The following C7orf78 variants were observed in gnomAD, a reference collection of about 807,000 sequenced individuals.
The protein encoded by C7orf78 is putative uncharacterized protein C7orf78.
the C7orf78 span, chr7:12,504,344 C>G: frequency 6.6e-6 from 1 of 152,150 alleles, no homozygotes; most frequent in East Asian, 1.9e-4. Flanking sequence ...CCTAGTTTTA[C>G]TTTTCTTTTT....
chr7:12,500,305 A>C, the C7orf78 span, among the ~76,000 whole-genome samples: 1 of 151,572 alleles, frequency 6.6e-6, no homozygotes, highest in East Asian at 1.9e-4. Context: ...GTTTTTTGAA[A>C]TGATCAACAA....
the C7orf78 span, among the ~76,000 whole-genome samples, chr7:12,528,079 G>A: frequency 6.9e-6 from 1 of 145,050 alleles, no homozygotes; most frequent in Non-Finnish European, 1.5e-5. Flanking sequence ...CACTCACTTT[G>A]GTAGAAAATG....
the C7orf78 span, among the ~76,000 whole-genome samples, chr7:12,492,830 A>G: frequency 6.6e-6 from 1 of 152,206 alleles, no homozygotes; most frequent in African/African-American, 2.4e-5. Context: ...TCTGCTCTTT[A>G]AGGATCTTGA....
At chr7:12,530,991 C>T in the C7orf78 span, 1 of 398,180 alleles carries the variant, frequency 2.5e-6, no homozygotes, top group South Asian at 1.3e-4. Flanking sequence ...TTACTAACTT[C>T]CTTTGTACCA....
At chr7:12,526,516 T>C in the C7orf78 span, among the ~76,000 whole-genome samples, 1 of 152,160 alleles carries the variant, frequency 6.6e-6, no homozygotes. Context: ...CAATAAGATG[T>C]TAACAGTGTT....
chr7:12,501,336 T>C, the C7orf78 span, among the ~76,000 whole-genome samples: 62,541 of 142,014 alleles, frequency 0.44, 13,949 homozygotes, highest in African/African-American at 0.47. Flanking sequence ...AAAACCCCAT[T>C]GTCTCAGCCC....
At chr7:12,531,040 A>G in the C7orf78 span, 2 of 398,500 alleles carry the variant, frequency 5.0e-6, no homozygotes, top group Non-Finnish European at 4.4e-6. Context: ...TGATGCATAC[A>G]GTGCATTTAT....
the C7orf78 span, among the ~76,000 whole-genome samples, chr7:12,533,169 A>G: frequency 2.6e-5 from 4 of 152,146 alleles, no homozygotes; most frequent in African/African-American, 9.7e-5. Context: ...ATGGTAGTCC[A>G]TCAGCAAAAG....
At chr7:12,528,158 G>C in the C7orf78 span, among the ~76,000 whole-genome samples, 7 of 145,682 alleles carry the variant, frequency 4.8e-5, no homozygotes, top group Admixed American at 1.4e-4. Context: ...CACTCACTTT[G>C]GTAGAAAATG....
At chr7:12,498,980 A>T in the C7orf78 span, among the ~76,000 whole-genome samples, 1 of 151,942 alleles carries the variant, frequency 6.6e-6, no homozygotes, top group Non-Finnish European at 1.5e-5. Context: ...TTTCCAGCCA[A>T]ACTAAGCTTC....
At chr7:12,497,186 G>C in the C7orf78 span, among the ~76,000 whole-genome samples, 3 of 152,132 alleles carry the variant, frequency 2.0e-5, no homozygotes, top group African/African-American at 4.8e-5. Flanking sequence ...AAACTGTAAA[G>C]AAAAAAATCA....
the C7orf78 span, among the ~76,000 whole-genome samples, chr7:12,505,393 TGAC>T: frequency 2.6e-5 from 4 of 152,138 alleles, no homozygotes; most frequent in Admixed American, 1.3e-4. Context: ...AATTAGGAGT[TGAC>T]ATAAATAAAT....
chr7:12,488,681 T>A, the C7orf78 span, among the ~76,000 whole-genome samples: 2 of 151,788 alleles, frequency 1.3e-5, no homozygotes, highest in Non-Finnish European at 2.9e-5. Flanking sequence ...AAAAAAAAAA[T>A]ATAAAGCCCT....
chr7:12,503,449 G>C, the C7orf78 span, among the ~76,000 whole-genome samples: 1 of 151,890 alleles, frequency 6.6e-6, no homozygotes, highest in Admixed American at 6.6e-5. Context: ...ATATTATGAT[G>C]CTTCAAAACA....
chr7:12,540,365 C>G, the C7orf78 span, among the ~76,000 whole-genome samples: 1 of 152,198 alleles, frequency 6.6e-6, no homozygotes, highest in South Asian at 2.1e-4. Context: ...TTGTGTAAGA[C>G]AGGATGTATT....
chr7:12,527,590 A>G, the C7orf78 span, among the ~76,000 whole-genome samples: 2 of 125,898 alleles, frequency 1.6e-5, no homozygotes, highest in Admixed American at 7.9e-5. Context: ...AGTATATGCT[A>G]AGTGTCACTC....
chr7:12,538,484 G>A, the C7orf78 span: 12 of 152,286 alleles, frequency 7.9e-5, no homozygotes, highest in African/African-American at 2.9e-4. Context: ...AATCAGCCAT[G>A]ACATCCTCTG....
the C7orf78 span, among the ~76,000 whole-genome samples, chr7:12,508,103 C>G: frequency 6.6e-6 from 1 of 152,178 alleles, no homozygotes; most frequent in Non-Finnish European, 1.5e-5. Context: ...AGATAACCAA[C>G]TGACATGAAC....
the C7orf78 span, among the ~76,000 whole-genome samples, chr7:12,535,395 C>T: frequency 6.6e-6 from 1 of 152,184 alleles, no homozygotes; most frequent in Non-Finnish European, 1.5e-5. Flanking sequence ...CATCAGATCT[C>T]ATGAGACCCA....
Sources: allele counts gnomAD v4.1 joint callset (sites outside exome capture counted in the v4.1 genomes callset), GRCh38; gene constraint gnomAD v4.1.1; transcripts MANE v1.5; gene names NCBI Gene and HGNC (gene_info 2026-07-23, HGNC 2026-07-21).